The following RBFOX3 variants were observed in gnomAD, a reference collection of about 807,000 sequenced individuals.
The protein encoded by RBFOX3 is RNA binding fox-1 homolog 3.
Under a neutral mutation model 48.7 loss-of-function variants are expected in RBFOX3, and 17 were observed. The ratio of observed to expected loss-of-function variants is 0.35; its 90% CI spans 0.24 to 0.52. The LOEUF (loss-of-function observed/expected upper bound fraction) is 0.52. Ranked by LOEUF, RBFOX3 falls within the 20% of genes least tolerant of loss-of-function variation. The pLI is 0.94. For synonymous variants in RBFOX3, 212 were observed against 209.5 expected (o/e 1.01, Z -0.10); for missense variants, 382 against 497.5 (o/e 0.77, Z 2.21).
chr17:79,526,332 A>G (rs1207439991), intron 1 of RBFOX3, among the ~76,000 whole-genome samples: 2 of 152,192 alleles, frequency 1.3e-5, no homozygotes, highest in African/African-American at 4.8e-5. Context: ...AGCCTCATCT[A>G]CGAAACGGGA....
upstream of RBFOX3, among the ~76,000 whole-genome samples, chr17:79,612,499 G>A (rs1032090794): frequency 1.2e-4 from 18 of 152,264 alleles, 1 homozygote; most frequent in African/African-American, 4.1e-4. Context: ...CAGCAGAGAC[G>A]GTGGCCAAGA....
intron 4 of RBFOX3, chr17:79,234,054 C>T (rs62062901): frequency 0.19 from 28,894 of 152,264 alleles, 3,035 homozygotes; most frequent in East Asian, 0.36. Context: ...CTTGCGGGCG[C>T]CTGTGAGGCC....
In RBFOX3 at chr17:79,490,729, A is replaced by AAT. The variant is rs2080363753; in HGVS notation, c.-319-8132_-319-8131insAT. 8.0e-5 allele frequency among the ~76,000 whole-genome samples: 12 copies of AAT among 150,352 alleles called. No individual in the cohort carries two copies. The South Asian group carries it at 2.6e-3, about 32-fold the overall frequency. On this transcript the variant is annotated intron_variant, in intron 1 of 14. Coordinates refer to ENST00000693108, the MANE Select transcript of RBFOX3 (RefSeq NM_001350451.2). ...TGAGGGGCCTGCAGTGTAGAGAGAG[A>AAT]GAGAGAGAGAGAGAGAACAGGTAAA...
At chr17:79,099,337 G>C (rs980674626) in intron 9 of RBFOX3, 1 of 152,312 alleles carries the variant, frequency 6.6e-6, no homozygotes, top group Non-Finnish European at 1.5e-5. Context: ...GTGTTGCTCA[G>C]GCTGGTCTTG....
At chr17:79,487,182 G>A (rs1291877831) in intron 1 of RBFOX3, among the ~76,000 whole-genome samples, 1 of 152,196 alleles carries the variant, frequency 6.6e-6, no homozygotes, top group African/African-American at 2.4e-5. Flanking sequence ...AGGTGTGGGT[G>A]AGGCACACAA....
rs1482016506 is a variant in RBFOX3 at position 79,287,147 on chromosome 17, C to T, written c.-74+20577G>A. ...AGAGCCTTTTGTGGAGCAAAGGGTG[C>T]TCTTTTTAAGGGGACAATCGCTTCT... On this transcript the variant is annotated intron_variant, in intron 3 of 14. Coordinates refer to ENST00000693108, the MANE Select transcript of RBFOX3 (RefSeq NM_001350451.2). Among the ~76,000 whole-genome samples the T allele has an allele frequency of 3.3e-5, 5 of 152,326 alleles. No individual in the cohort carries two copies. In the South Asian group the frequency reaches 8.3e-4, roughly 25 times the overall value.
chr17:79,459,983 C>T (rs1056035700), intron 2 of RBFOX3, among the ~76,000 whole-genome samples: 11 of 152,156 alleles, frequency 7.2e-5, no homozygotes, highest in African/African-American at 2.7e-4. Context: ...AGGAATGAGG[C>T]ATGGACAGGT....
chr17:79,524,366 C>T (rs1228169001), intron 1 of RBFOX3, among the ~76,000 whole-genome samples: 1 of 152,182 alleles, frequency 6.6e-6, no homozygotes, highest in Non-Finnish European at 1.5e-5. Flanking sequence ...GGAGACCTCT[C>T]CTCCCCCAGC....
chr17:79,607,224 G>A (rs2093852706), intron 1 of RBFOX3, among the ~76,000 whole-genome samples: 1 of 152,052 alleles, frequency 6.6e-6, no homozygotes, highest in African/African-American at 2.4e-5. Flanking sequence ...CTGTTGAAGG[G>A]GGAGAAAGTT....
At chr17:79,119,976 C>T (rs773884323) in intron 4 of RBFOX3, among the ~76,000 whole-genome samples, 2 of 152,226 alleles carry the variant, frequency 1.3e-5, no homozygotes, top group Admixed American at 1.3e-4. Context: ...TGATAGGGTA[C>T]GTGAATGCCC....
chr17:79,425,912 G>A (rs1178988472), intron 2 of RBFOX3, among the ~76,000 whole-genome samples: 2 of 152,196 alleles, frequency 1.3e-5, no homozygotes, highest in East Asian at 3.9e-4. Flanking sequence ...CGGGCACCAG[G>A]CCTGCGCCTG....
intron 2 of RBFOX3, among the ~76,000 whole-genome samples, chr17:79,461,604 T>A (rs1315162297): frequency 2.6e-5 from 4 of 152,220 alleles, no homozygotes; most frequent in Admixed American, 1.3e-4. Context: ...ATGGTGAGCA[T>A]CACTTACTGC....
chr17:79,217,233 G>A (rs777192785), intron 4 of RBFOX3, among the ~76,000 whole-genome samples: 1 of 152,244 alleles, frequency 6.6e-6, no homozygotes, highest in Non-Finnish European at 1.5e-5. Flanking sequence ...TTGGCCGCAA[G>A]TTTGCCAGCT....
In RBFOX3 at chr17:79,202,929, G is replaced by GC. The variant is rs764352285; in HGVS notation, c.-34+32836dup. Among the ~76,000 whole-genome samples, 74 of 152,160 alleles carry GC rather than the reference G, an allele frequency of 4.9e-4. 1 individual carries two copies. The highest frequency in any genetic ancestry group is 1.8e-4 in the Non-Finnish European group (12 of 68,008). ...CATACATGGAGCCCCGAGGGGCTAA[G>GC]CCCCCAGCGCCCACAGTGGTCTCAG... On this transcript the variant is annotated intron_variant, in intron 4 of 14. Coordinates refer to ENST00000693108, the MANE Select transcript of RBFOX3 (RefSeq NM_001350451.2).
At chr17:79,145,913 C>CAA (rs2042943723) in intron 4 of RBFOX3, among the ~76,000 whole-genome samples, 1 of 151,302 alleles carries the variant, frequency 6.6e-6, no homozygotes, top group South Asian at 2.1e-4. Context: ...CAAAGGCCGC[C>CAA]GGGGGCAGGG....
intron 3 of RBFOX3, among the ~76,000 whole-genome samples, chr17:79,294,812 G>A (rs947349558): frequency 6.6e-6 from 1 of 152,206 alleles, no homozygotes; most frequent in Non-Finnish European, 1.5e-5. Context: ...CAGTGCTCAG[G>A]AAGGCTCATG....
At chr17:79,445,198 G>A (rs182534403) in intron 2 of RBFOX3, among the ~76,000 whole-genome samples, 10 of 152,304 alleles carry the variant, frequency 6.6e-5, no homozygotes, top group African/African-American at 1.7e-4. Context: ...TGTGAATGGC[G>A]CTGCTGGGAA....
At chr17:79,558,517 C>T (rs1020561326) in intron 1 of RBFOX3, among the ~76,000 whole-genome samples, 5 of 152,202 alleles carry the variant, frequency 3.3e-5, no homozygotes, top group East Asian at 1.9e-4. Context: ...CCACACTTCC[C>T]GGCTGCCCAG....
rs2085052637 is a variant in RBFOX3 at position 79,356,365 on chromosome 17, T to TTTTTTTTTTTTG, written c.-174-48542_-174-48541insCAAAAAAAAAAA. The stretch of plus-strand genomic sequence containing the variant: ...ACAGGGAAGTTTTTTTTTTTTTTTT[T>TTTTTTTTTTTTG]TTTTTTTTTTTTTTTTTTTTTGAGG... On this transcript the variant is annotated intron_variant, in intron 2 of 14. Coordinates refer to ENST00000693108, the MANE Select transcript of RBFOX3 (RefSeq NM_001350451.2). 2.8e-5 allele frequency among the ~76,000 whole-genome samples: 3 copies of TTTTTTTTTTTTG among 108,256 alleles called. 1 individual carries two copies. The highest frequency in any genetic ancestry group is 1.1e-4 in the African/African-American group (3 of 27,028). 71.0% of individuals were successfully genotyped at this position (108,256 alleles called of 152,430 possible). A position where few individuals can be genotyped will look rare whatever the true frequency, so the allele number is the denominator to read the frequency against.
Sources: gnomAD v4.1 joint callset for allele counts (sites outside exome capture counted in the v4.1 genomes callset) on GRCh38, gnomAD v4.1.1 for gene constraint, MANE v1.5 for transcripts, NCBI Gene and HGNC (gene_info 2026-07-23, HGNC 2026-07-21) for gene names.